ERP27: variants seen among roughly 807,000 people sequenced by gnomAD.
ERP27 encodes endoplasmic reticulum resident protein 27.
In ERP27, 23 loss-of-function variants were observed where a neutral mutation model predicts 27.7. The ratio of observed to expected loss-of-function variants is 0.83; its 90% CI spans 0.60 to 1.18. The LOEUF is 1.18. Ranked by LOEUF, ERP27 falls within the 50% of genes most tolerant of loss-of-function variation. The pLI is 0.00. For synonymous variants in ERP27, 159 were observed against 118.3 expected, an observed-to-expected ratio of 1.34 and a Z score of -2.23; for missense variants, 363 against 327.9, an observed-to-expected ratio of 1.11 and a Z score of -0.83.
Position 14,927,296 on chromosome 12 carries a change from C to T in ERP27, c.334-6248G>A, listed in dbSNP as rs1863617306. ...GTATATATATTTGCATATGTGTAGGCGTATGTGTGTATATTTGTGTGTGTG... is the reference window on the plus strand; with the variant it reads ...GTATATATATTTGCATATGTGTAGGTGTATGTGTGTATATTTGTGTGTGTG... On this transcript the variant is annotated intron_variant, in intron 3 of 6. Coordinates refer to ENST00000266397, the MANE Select transcript of ERP27 (RefSeq NM_152321.4). Among the ~76,000 whole-genome samples the T allele has an allele frequency of 2.0e-5, 3 of 150,786 alleles. No individual in the cohort carries two copies. The South Asian group carries it at 6.3e-4, about 32-fold the overall frequency.
intron 6 of ERP27, 59 bp from the exon 7 acceptor site, chr12:14,914,841 A>G (rs1863383860): frequency 2.2e-6 from 3 of 1,349,586 alleles, no homozygotes; most frequent in Non-Finnish European, 2.1e-6. Context: ...TACTCCTGGA[A>G]GTCCTAAATC....
intron 3 of ERP27, among the ~76,000 whole-genome samples, chr12:14,921,455 C>G (rs948683701): frequency 4.6e-4 from 70 of 152,258 alleles, no homozygotes; most frequent in African/African-American, 1.4e-3. Context: ...CACTGTGACC[C>G]TACCAGATGT....
intron 2 of ERP27, among the ~76,000 whole-genome samples, chr12:14,937,448 A>G (rs2120634272): frequency 6.6e-6 from 1 of 152,318 alleles, no homozygotes; most frequent in South Asian, 2.1e-4. Context: ...ATTTTCCAAC[A>G]TTTCAGACAA....
chr12:14,926,657 C>T (rs2120590106), intron 3 of ERP27, among the ~76,000 whole-genome samples: 1 of 152,192 alleles, frequency 6.6e-6, no homozygotes, highest in Admixed American at 6.5e-5. Context: ...TTCTCAGAAC[C>T]TAATATTAAT....
In ERP27 at chr12:14,915,483, A is replaced by G. The variant is rs186241321; in HGVS notation, c.774+6T>C. ...CAATTTGCTTTACCTGCAGTCTCACACTTACCAACAATTTTCCACTTAGGA... is the reference window on the plus strand; with the variant it reads ...CAATTTGCTTTACCTGCAGTCTCACGCTTACCAACAATTTTCCACTTAGGA... On this transcript the variant is annotated splice_donor_region_variant and intron_variant, in intron 6 of 6. Transcript: ENST00000266397. 206 of 1,613,712 alleles carry G rather than the reference A, an allele frequency of 1.3e-4. 3 individuals are homozygous for G. The highest frequency in any genetic ancestry group is 1.3e-3 in the South Asian group (115 of 91,046).
chr12:14,920,856 G>A, intron 4 of ERP27, 76 bp downstream of exon 4: 1 of 1,074,262 alleles, frequency 9.3e-7, no homozygotes, highest in Non-Finnish European at 1.4e-6. Flanking sequence ...CTGGGAGGAA[G>A]AGACCTCTGT....
At chr12:14,938,336 C>T (rs1172624582) in intron 1 of ERP27, 79 bp downstream of exon 1, 4 of 1,433,116 alleles carry the variant, frequency 2.8e-6, no homozygotes, top group Non-Finnish European at 3.9e-6. Context: ...GGAAAAGTAC[C>T]CAGAGAACCA....
intron 3 of ERP27, among the ~76,000 whole-genome samples, chr12:14,925,281 G>A (rs1448697530): frequency 1.3e-5 from 2 of 152,114 alleles, no homozygotes; most frequent in African/African-American, 4.8e-5. Context: ...GAAACCCCCT[G>A]ACCCAAAGGC....
At chr12:14,935,062 G>T (rs1863755361) in intron 2 of ERP27, 69 bp from the exon 3 acceptor site, 9 of 1,555,688 alleles carry the variant, frequency 5.8e-6, no homozygotes, top group Non-Finnish European at 7.8e-6. Context: ...ATAGGCAAAA[G>T]AAATATGATA....
At chr12:14,936,720 T>C (rs1480927350) in intron 2 of ERP27, among the ~76,000 whole-genome samples, 1 of 152,124 alleles carries the variant, frequency 6.6e-6, no homozygotes, top group Non-Finnish European at 1.5e-5. Context: ...TTTTTAAGCG[T>C]CTGGCATTCC....
Position 14,934,922 on chromosome 12 carries a change from G to A in ERP27, c.267C>T (p.Ile89=). Residue 89 remains isoleucine (I), a synonymous_variant, in exon 3 of 7, where the codon ATC becomes ATT. Transcript: ENST00000266397. The part of the protein sequence containing the change: ...VQKFPGVSFG[I]STDSEVLTHY... The stretch of plus-strand genomic sequence containing the variant: ...GTGTCAGAACCTCAGAATCAGTGCT[G>A]ATCCCAAATGACACGCCTGGGAATT... 2 of 1,614,140 alleles carry A rather than the reference G, an allele frequency of 1.2e-6. No homozygotes were observed. Among genetic ancestry groups the A allele is most frequent in the Non-Finnish European group, 1.7e-6 (2 of 1,179,994 alleles).
chr12:14,935,037 G>A (rs771593596), intron 2 of ERP27, 44 bp from the exon 3 acceptor site: 8 of 1,594,360 alleles, frequency 5.0e-6, no homozygotes, highest in South Asian at 2.3e-5. Context: ...TTATTTCGAA[G>A]GGCAGAGACA....
intron 4 of ERP27, among the ~76,000 whole-genome samples, chr12:14,920,019 A>G (rs954656523): frequency 3.3e-5 from 5 of 152,230 alleles, no homozygotes; most frequent in Non-Finnish European, 7.3e-5. Flanking sequence ...CAAAAATCAT[A>G]CCATGCATGT....
intron 3 of ERP27, among the ~76,000 whole-genome samples, chr12:14,921,810 T>C (rs1345506504): frequency 6.6e-6 from 1 of 152,144 alleles, no homozygotes; most frequent in Non-Finnish European, 1.5e-5. Flanking sequence ...GCCAAAGGTA[T>C]GCTGACTTTT....
chr12:14,921,109 G>T lies in ERP27; in HGVS notation c.334-61C>A, dbSNP rs74642974. On this transcript the variant is annotated intron_variant, in intron 3 of 6. Transcript: ENST00000266397. ...ATCTTTTTTTCATGTATTGATAAAC[G>T]TCTTTAGACCCCCATGTGACAGGCA... 4.0e-5 allele frequency: 55 copies of T among 1,359,616 alleles called. 1 individual carries two copies. In the Admixed American group the frequency reaches 8.6e-4, roughly 21 times the overall value. The allele number at this position is 1,359,616 out of a possible 1,614,324, so 84.2% of individuals were successfully genotyped here.
Position 14,929,192 on chromosome 12 carries a change from G to A in ERP27, c.333+5664C>T, listed in dbSNP as rs566070726. ...AGTCCTTCATACTTCCCAGAACAGG[G>A]AGAACAAGAAAAGCCAGTTACTCTG... On this transcript the variant is annotated intron_variant, in intron 3 of 6. Coordinates refer to ENST00000266397, the MANE Select transcript of ERP27 (RefSeq NM_152321.4). 235 of 1,304,298 alleles carry A rather than the reference G, an allele frequency of 1.8e-4. 1 individual carries two copies. In the African/African-American group the frequency reaches 3.3e-3, roughly 18 times the overall value. The allele number at this position is 1,304,298 out of a possible 1,614,324, so 80.8% of individuals were successfully genotyped here. A position where few individuals can be genotyped will look rare whatever the true frequency, so the allele number is the denominator to read the frequency against.
chr12:14,930,807 C>G (rs1014164943), intron 3 of ERP27, among the ~76,000 whole-genome samples: 2 of 152,088 alleles, frequency 1.3e-5, no homozygotes, highest in Admixed American at 1.3e-4. Context: ...ATTATTTCAG[C>G]TTATTTCTAA....
chr12:14,920,748 G>A (rs1262028919), intron 4 of ERP27, among the ~76,000 whole-genome samples, 184 bp downstream of exon 4: 1 of 152,016 alleles, frequency 6.6e-6, no homozygotes, highest in Admixed American at 6.6e-5. Context: ...ACTTTTCTCT[G>A]TTTTTTTGTC....
At chr12:14,935,915 T>C (rs1233584004) in intron 2 of ERP27, among the ~76,000 whole-genome samples, 1 of 152,080 alleles carries the variant, frequency 6.6e-6, no homozygotes, top group Non-Finnish European at 1.5e-5. Flanking sequence ...AGAGATGTGG[T>C]TTTGCCATGT....
Sources: gnomAD v4.1 joint callset for allele counts (sites outside exome capture counted in the v4.1 genomes callset) on GRCh38, gnomAD v4.1.1 for gene constraint, MANE v1.5 for transcripts, NCBI Gene and HGNC (gene_info 2026-07-23, HGNC 2026-07-21) for gene names.